Variants in RBFOX3 observed in about 807,000 individuals in gnomAD.
RBFOX3 encodes the protein RNA binding protein fox-1 homolog 3.
RBFOX3 carries 17 observed loss-of-function variants against 48.7 expected under a neutral mutation model. The ratio of observed to expected loss-of-function variants is 0.35; its 90% confidence interval spans 0.24 to 0.52. The LOEUF (loss-of-function observed/expected upper bound fraction) is 0.52. Among genes scored for constraint, RBFOX3 ranks in the 20% least tolerant of loss-of-function variants. The probability of loss-of-function intolerance (pLI) is 0.94; values close to 1 mark genes in which losing one functional copy is unlikely to be tolerated. For synonymous variants in RBFOX3, 212 were observed against 209.5 expected, an observed-to-expected ratio of 1.01 and a Z score of -0.10; for missense variants, 382 against 497.5, an observed-to-expected ratio of 0.77 and a Z score of 2.21.
intron 4 of RBFOX3, among the ~76,000 whole-genome samples, chr17:79,140,716 G>A (rs866473680): frequency 6.6e-6 from 1 of 152,228 alleles, no homozygotes; most frequent in Non-Finnish European, 1.5e-5. Flanking sequence ...TGGGGAAAAT[G>A]CCACCATGCT....
chr17:79,543,045 A>G (rs1599099189), intron 1 of RBFOX3, among the ~76,000 whole-genome samples: 1 of 151,980 alleles, frequency 6.6e-6, no homozygotes, highest in Admixed American at 6.6e-5. Context: ...CCTATATATC[A>G]CAGCTGCCTC....
At chr17:79,093,326 A>T (rs2074358944) in intron 14 of RBFOX3, among the ~76,000 whole-genome samples, 2 of 152,102 alleles carry the variant, frequency 1.3e-5, no homozygotes, top group Admixed American at 6.5e-5. Flanking sequence ...CAAGTGCAAG[A>T]GAAGAAAAAT....
chr17:79,498,125 T>C lies in RBFOX3; in HGVS notation c.-319-15527A>G, dbSNP rs111967380. ...CTGCCTTTTGGCTGAGAACACAGAC[T>C]GAGGCCTGGCAGAGAGAAGGCCTTG... On this transcript the variant is annotated intron_variant, in intron 1 of 14. Transcript: ENST00000693108. 1.9e-3 allele frequency among the ~76,000 whole-genome samples: 287 copies of C among 152,318 alleles called. 1 individual carries two copies. Among genetic ancestry groups the C allele is most frequent in the African/African-American group, 6.5e-3 (270 of 41,574 alleles).
intron 3 of RBFOX3, among the ~76,000 whole-genome samples, chr17:79,262,659 G>C (rs2065980325): frequency 6.6e-6 from 1 of 152,302 alleles, no homozygotes; most frequent in African/African-American, 2.4e-5. Flanking sequence ...GCCAGCTGTG[G>C]ACAAGCCCAC....
At chr17:79,140,600 C>T (rs1484621109) in intron 4 of RBFOX3, among the ~76,000 whole-genome samples, 2 of 152,256 alleles carry the variant, frequency 1.3e-5, no homozygotes, top group Non-Finnish European at 2.9e-5. Context: ...GGACAACCTA[C>T]AGTCCCACAG....
At chr17:79,439,990 C>T (rs62061677) in intron 2 of RBFOX3, among the ~76,000 whole-genome samples, 34,599 of 152,126 alleles carry the variant, frequency 0.23, 4,267 homozygotes, top group East Asian at 0.51. Flanking sequence ...TGGCATCAAG[C>T]GGCAGGGGAG....
At chr17:79,335,551 A>C (rs4429326) in intron 2 of RBFOX3, among the ~76,000 whole-genome samples, 9 of 152,180 alleles carry the variant, frequency 5.9e-5, no homozygotes, top group Non-Finnish European at 1.2e-4. Flanking sequence ...TCTCATCTCT[A>C]GGTCCCAGGC....
rs77574777 is a variant in RBFOX3 at position 79,444,695 on chromosome 17, G to A, written c.-175+37759C>T. ...GTCTAGATTTGTGCCTTATAAGCCC[G>A]CATTTGCTCCAAACTAAACTGTGGG... On this transcript the variant is annotated intron_variant, in intron 2 of 14. Transcript: ENST00000693108. 7.1e-3 allele frequency among the ~76,000 whole-genome samples: 1,081 copies of A among 151,980 alleles called. 11 individuals are homozygous for A. Among genetic ancestry groups the A allele is most frequent in the African/African-American group, 0.025 (1,031 of 41,450 alleles).
At chr17:79,616,059 C>G in the RBFOX3 span, among the ~76,000 whole-genome samples, 1 of 152,186 alleles carries the variant, frequency 6.6e-6, no homozygotes, top group African/African-American at 2.4e-5. Context: ...TCGAGGAAAG[C>G]AAGAGATCAG....
chr17:79,459,869 G>A (rs1375767757), intron 2 of RBFOX3, among the ~76,000 whole-genome samples: 8 of 152,150 alleles, frequency 5.3e-5, no homozygotes, highest in Admixed American at 3.9e-4. Context: ...AGTCCCACAT[G>A]TCTATTGTGT....
At chr17:79,617,447 C>G in the RBFOX3 span, among the ~76,000 whole-genome samples, 1,661 of 152,190 alleles carry the variant, frequency 0.011, 26 homozygotes, top group East Asian at 0.026. Context: ...ATGGCTCTCT[C>G]GGGTCACCAG....
At chr17:79,547,673 C>T (rs1277013328) in intron 1 of RBFOX3, among the ~76,000 whole-genome samples, 1 of 152,198 alleles carries the variant, frequency 6.6e-6, no homozygotes, top group African/African-American at 2.4e-5. Flanking sequence ...GAAGAGACCA[C>T]AGCATGTACC....
At chr17:79,352,329 C>T (rs1423741816) in intron 2 of RBFOX3, among the ~76,000 whole-genome samples, 1 of 152,186 alleles carries the variant, frequency 6.6e-6, no homozygotes, top group Non-Finnish European at 1.5e-5. Flanking sequence ...TGATCTCTCT[C>T]CTGCCACCAT....
intron 2 of RBFOX3, among the ~76,000 whole-genome samples, chr17:79,316,238 G>T (rs1015200715): frequency 6.6e-6 from 1 of 152,196 alleles, no homozygotes; most frequent in Non-Finnish European, 1.5e-5. Flanking sequence ...TGACTGTCTG[G>T]CAGGTGCTCT....
rs1474121245 is a variant in RBFOX3, at chr17:79,362,956, C to T, written c.-174-55132G>A. 6.6e-6 allele frequency among the ~76,000 whole-genome samples: 1 copy of T among 152,228 alleles called. No individual in the cohort carries two copies. Among genetic ancestry groups the T allele is most frequent in the Non-Finnish European group, 1.5e-5 (1 of 68,036 alleles). On this transcript the variant is annotated intron_variant, in intron 2 of 14. Coordinates refer to ENST00000693108, the MANE Select transcript of RBFOX3 (RefSeq NM_001350451.2). This position sits in a 1 kb window ranked among gnomAD's most constrained non-coding sequence, Gnocchi z 4.2. ...ATGCTGGTGATGTCCTGTCCTGAGT[C>T]CAGGACCCCTCTAGGGTTGGAGCGG...
chr17:79,314,578 G>A (rs1598217763), intron 2 of RBFOX3, among the ~76,000 whole-genome samples: 1 of 152,252 alleles, frequency 6.6e-6, no homozygotes, highest in South Asian at 2.1e-4. Flanking sequence ...GGAGTTTCAT[G>A]AATGAAAGAG....
At chr17:79,288,532 A>C (rs2072520630) in intron 3 of RBFOX3, among the ~76,000 whole-genome samples, 1 of 148,950 alleles carries the variant, frequency 6.7e-6, no homozygotes, top group Non-Finnish European at 1.5e-5. Context: ...TGGGCATGAG[A>C]CTCCCCCACT....
At chr17:79,323,767 C>T (rs1282665909) in intron 2 of RBFOX3, among the ~76,000 whole-genome samples, 8 of 152,238 alleles carry the variant, frequency 5.3e-5, no homozygotes, top group Admixed American at 2.0e-4. Flanking sequence ...ATGTTCTGCC[C>T]GTGGCCGGTG....
At position 79,280,841 on chromosome 17, in the gene RBFOX3, T is replaced by TGGG. The variant is rs34734841; in HGVS notation, c.-74+26880_-74+26882dup. On this transcript the variant is annotated intron_variant, in intron 3 of 14. Coordinates refer to ENST00000693108, the MANE Select transcript of RBFOX3 (RefSeq NM_001350451.2). ...AGCTGCCAGGCAGGCTGTCCCATTG[T>TGGG]GGGGGGGGGGAGGGGAGGGTCTCCT... Among the ~76,000 whole-genome samples the TGGG allele has an allele frequency of 4.2e-3, 427 of 101,032 alleles. 1 individual carries two copies. The highest frequency in any genetic ancestry group is 0.014 in the African/African-American group (328 of 23,908). 66.3% of individuals were successfully genotyped at this position (101,032 alleles called of 152,430 possible). A position where few individuals can be genotyped will look rare whatever the true frequency, so the allele number is the denominator to read the frequency against.
Sources: allele counts gnomAD v4.1 joint callset (sites outside exome capture counted in the v4.1 genomes callset), GRCh38; gene constraint gnomAD v4.1.1; non-coding constraint Gnocchi (gnomAD v3.1); transcripts MANE v1.5; gene names NCBI Gene and HGNC (gene_info 2026-07-23, HGNC 2026-07-21).